EML6: variants seen among roughly 807,000 people sequenced by gnomAD.
The protein encoded by EML6 is EMAP like 6.
Under a neutral mutation model 240.1 loss-of-function variants are expected in EML6, and 154 were observed. That is an observed-to-expected ratio of 0.64 (90% CI 0.56 to 0.73). The LOEUF is 0.73. EML6 is among the 30% of genes least tolerant of loss of function. The pLI is 0.00. For synonymous variants in EML6, 1,148 were observed against 899.0 expected (o/e 1.28, Z -4.95); for missense variants, 2,964 against 2,474.6 (o/e 1.20, Z -4.20).
chr2:54,827,868 C>A, intron 6 of EML6, 117 bp downstream of exon 6: 1 of 675,510 alleles, frequency 1.5e-6, no homozygotes, highest in South Asian at 2.1e-5. Context: ...TGAACACTCC[C>A]TACTCATGAT....
rs190613764 is a variant in EML6, at chr2:54,950,673, T to C, written c.4107T>C (p.Phe1369=). The change falls in exon 30 of 42, where the codon TTT becomes TTC. Residue 1369 remains phenylalanine (F), a synonymous_variant. Coordinates refer to ENST00000356458, the MANE Select transcript of EML6 (RefSeq NM_001039753.4). ...AGGAGCTGGCTCTAGACCACGTGTTTGGCTACAGAGGTTTCGACTGTCGAA... is the reference window on the plus strand; with the variant it reads ...AGGAGCTGGCTCTAGACCACGTGTTCGGCTACAGAGGTTTCGACTGTCGAA... The part of the protein sequence containing the change: ...LVEELALDHV[F]GYRGFDCRNN... 6,610 of 1,551,656 alleles carry C rather than the reference T, an allele frequency of 4.3e-3. 14 individuals carry two copies. Among genetic ancestry groups the C allele is most frequent in the Non-Finnish European group, 5.1e-3 (5,819 of 1,146,972 alleles).
chr2:54,746,773 A>G (rs1482570946), intron 2 of EML6, among the ~76,000 whole-genome samples: 2 of 152,192 alleles, frequency 1.3e-5, no homozygotes, highest in African/African-American at 2.4e-5. Context: ...CTCAAAAGCT[A>G]ATTCAGCAGC....
chr2:54,784,325 T>C (rs1668982813), intron 2 of EML6, among the ~76,000 whole-genome samples: 1 of 152,208 alleles, frequency 6.6e-6, no homozygotes, highest in South Asian at 2.1e-4. Context: ...ATATTGTGCC[T>C]ATCACTTTTT....
In EML6 at chr2:54,967,069, G is replaced by A. The variant is rs1475730250; in HGVS notation, c.5563G>A (p.Val1855Ile). Reference sequence around the variant, plus strand: ...GGGGAAGCAGGTAACTGAAGCCGTGGTCATTGAGAAGATCACCTGGGCCTC... The same window carrying A: ...GGGGAAGCAGGTAACTGAAGCCGTGATCATTGAGAAGATCACCTGGGCCTC... ...PLGKQVTEAV[V>I]IEKITWASWT... Residue 1855 changes from valine to isoleucine, a missense_variant, in exon 39 of 42, where the codon GTC (valine) becomes ATC (isoleucine). Transcript: ENST00000356458. The A allele has an allele frequency of 1.3e-6, 2 of 1,551,378 alleles. No homozygotes were observed. The highest frequency in any genetic ancestry group is 1.7e-6 in the Non-Finnish European group (2 of 1,146,892).
In EML6 at chr2:54,911,045, A is replaced by T; in HGVS notation, c.3498+3A>T. The T allele has an allele frequency of 6.9e-7, 1 of 1,450,046 alleles. No homozygotes were observed. The highest frequency in any genetic ancestry group is 2.1e-5 in the Admixed American group (1 of 48,556). The allele number at this position is 1,450,046 out of a possible 1,614,324, so 89.8% of individuals were successfully genotyped here. A position where few individuals can be genotyped will look rare whatever the true frequency, so the allele number is the denominator to read the frequency against. ...GGCATATAATAAGACCTTCAGAGGTAATAATCATACACAAAGATTTTTAAA... is the reference window on the plus strand; with the variant it reads ...GGCATATAATAAGACCTTCAGAGGTTATAATCATACACAAAGATTTTTAAA... On this transcript the variant is annotated splice_donor_region_variant and intron_variant, in intron 25 of 41. Coordinates refer to ENST00000356458, the MANE Select transcript of EML6 (RefSeq NM_001039753.4).
At chr2:54,906,406 A>T (rs1673331433) in intron 24 of EML6, among the ~76,000 whole-genome samples, 1 of 152,038 alleles carries the variant, frequency 6.6e-6, no homozygotes, top group Admixed American at 6.5e-5. Flanking sequence ...GGCCTGGGGG[A>T]AGGTCTGTGT....
intron 5 of EML6, among the ~76,000 whole-genome samples, chr2:54,826,590 ACT>A (rs941592856): frequency 2.6e-5 from 4 of 152,028 alleles, no homozygotes; most frequent in African/African-American, 9.7e-5. Context: ...GCAGAGTGAG[ACT>A]CTGTCCCCAC....
chr2:54,864,413 C>T (rs1292840196), intron 13 of EML6, among the ~76,000 whole-genome samples: 3 of 152,184 alleles, frequency 2.0e-5, no homozygotes, highest in Admixed American at 6.5e-5. Context: ...GAAATTACCT[C>T]TAGTAGGAAA....
intron 28 of EML6, among the ~76,000 whole-genome samples, chr2:54,936,186 C>T (rs1044368646): frequency 6.6e-6 from 1 of 152,194 alleles, no homozygotes; most frequent in Non-Finnish European, 1.5e-5. Flanking sequence ...TATCATGTGG[C>T]TTCAGTTTTG....
intron 5 of EML6, among the ~76,000 whole-genome samples, chr2:54,824,458 ATT>A (rs1668491748): frequency 6.6e-6 from 1 of 152,084 alleles, no homozygotes; most frequent in African/African-American, 2.4e-5. Context: ...AATTACCAGG[ATT>A]TCTCCACTTT....
intron 11 of EML6, among the ~76,000 whole-genome samples, chr2:54,858,678 G>C (rs1004883772): frequency 6.6e-6 from 1 of 152,188 alleles, no homozygotes; most frequent in African/African-American, 2.4e-5. Flanking sequence ...TCTGGTCAGA[G>C]CATGCTCTCA....
At chr2:54,807,518 G>C (rs1487619821) in intron 2 of EML6, among the ~76,000 whole-genome samples, 1 of 152,152 alleles carries the variant, frequency 6.6e-6, no homozygotes, top group Non-Finnish European at 1.5e-5. Flanking sequence ...GTAGCACTTA[G>C]TGATTTCCAT....
Position 54,839,211 on chromosome 2 carries a change from G to A in EML6, c.848-4836G>A, listed in dbSNP as rs531455982. Among the ~76,000 whole-genome samples, 22 of 152,308 alleles carry A rather than the reference G, an allele frequency of 1.4e-4. No individual in the cohort carries two copies. The South Asian group carries it at 4.4e-3, about 30-fold the overall frequency. On this transcript the variant is annotated intron_variant, in intron 7 of 41. Coordinates refer to ENST00000356458, the MANE Select transcript of EML6 (RefSeq NM_001039753.4). ...CCATTCACCAAGGTCTCACCAGAAGGTTCCCAGAAGAGACTGTGTGGTTCT... is the reference window on the plus strand; with the variant it reads ...CCATTCACCAAGGTCTCACCAGAAGATTCCCAGAAGAGACTGTGTGGTTCT...
At chr2:54,949,062 G>C in intron 29 of EML6, 102 bp downstream of exon 29, 1 of 869,996 alleles carries the variant, frequency 1.1e-6, no homozygotes, top group Non-Finnish European at 1.9e-6. Flanking sequence ...ATGAAACGGA[G>C]TAGGTCCCTT....
intron 35 of EML6, among the ~76,000 whole-genome samples, chr2:54,960,889 C>T (rs1480184263): frequency 2.0e-5 from 3 of 152,108 alleles, no homozygotes; most frequent in Admixed American, 6.5e-5. Context: ...GGAGTGGGAC[C>T]TGGACCTGTA....
intron 32 of EML6, 89 bp from the exon 33 acceptor site, chr2:54,957,701 T>A: frequency 8.5e-7 from 1 of 1,169,734 alleles, no homozygotes; most frequent in Non-Finnish European, 1.2e-6. Context: ...GGCTTACGCC[T>A]GCTGGGGTGG....
At position 54,930,953 on chromosome 2, in the gene EML6, C is replaced by CTTT. The variant is rs34403438; in HGVS notation, c.4004+2222_4004+2224dup. Among the ~76,000 whole-genome samples the CTTT allele has an allele frequency of 4.7e-3, 494 of 104,530 alleles. 3 individuals are homozygous for CTTT. Among genetic ancestry groups the CTTT allele is most frequent in the South Asian group, 5.5e-3 (15 of 2,744 alleles). 68.6% of individuals were successfully genotyped at this position (104,530 alleles called of 152,430 possible). A position where few individuals can be genotyped will look rare whatever the true frequency, so the allele number is the denominator to read the frequency against. On this transcript the variant is annotated intron_variant, in intron 28 of 41. Transcript: ENST00000356458. ...ACCTCAGAGATCAGACCGTAGGCATCTTTTTTTTTTTTTTTTTTTTTTGAG... is the reference window on the plus strand; with the variant it reads ...ACCTCAGAGATCAGACCGTAGGCATCTTTTTTTTTTTTTTTTTTTTTTTTTGAG...
chr2:54,777,721 C>T (rs1668663184), intron 2 of EML6, among the ~76,000 whole-genome samples: 1 of 152,136 alleles, frequency 6.6e-6, no homozygotes, highest in Admixed American at 6.5e-5. Context: ...ATTTCAGGAG[C>T]AGGAGGAGCC....
In EML6 at chr2:54,847,472, G is replaced by A. The variant is rs772606040; in HGVS notation, c.1050-14G>A. The A allele has an allele frequency of 1.9e-5, 30 of 1,549,418 alleles. No homozygotes were observed. The highest frequency in any genetic ancestry group is 5.9e-5 in the Admixed American group (3 of 50,954). ...GTTGGTTTTGTTTTGTTTTGACTTCGTTCTTGTGCCTAGGCTGTGGAGCCT... is the reference window on the plus strand; with the variant it reads ...GTTGGTTTTGTTTTGTTTTGACTTCATTCTTGTGCCTAGGCTGTGGAGCCT... On this transcript the variant is annotated splice_polypyrimidine_tract_variant and intron_variant, in intron 8 of 41. Coordinates refer to ENST00000356458, the MANE Select transcript of EML6 (RefSeq NM_001039753.4).
Sources: allele counts gnomAD v4.1 joint callset (sites outside exome capture counted in the v4.1 genomes callset), GRCh38; gene constraint gnomAD v4.1.1; transcripts MANE v1.5; gene names NCBI Gene and HGNC (gene_info 2026-07-23, HGNC 2026-07-21).